OPRM1: variants seen among roughly 807,000 people sequenced by gnomAD.
OPRM1 encodes mu-type opioid receptor.
OPRM1 carries 27 observed loss-of-function variants against 31.8 expected under a neutral mutation model. That is an observed-to-expected ratio of 0.85 (90% CI 0.63 to 1.17). The LOEUF is 1.17. Among genes scored for constraint, OPRM1 ranks in the 50% most tolerant of loss-of-function variants. The pLI is 0.00. For synonymous variants in OPRM1, 196 were observed against 189.9 expected (o/e 1.03, Z -0.26); for missense variants, 536 against 511.1 (o/e 1.05, Z -0.47).
intron 3 of OPRM1, among the ~76,000 whole-genome samples, chr6:154,216,317 G>T (rs529918943): frequency 6.6e-6 from 1 of 152,074 alleles, no homozygotes; most frequent in Non-Finnish European, 1.5e-5. Context: ...GGGGTGGGGG[G>T]TGGTTGTAAT....
At chr6:154,192,038 A>G (rs1374741822) in intron 3 of OPRM1, among the ~76,000 whole-genome samples, 2 of 152,216 alleles carry the variant, frequency 1.3e-5, no homozygotes, top group African/African-American at 4.8e-5. Context: ...GTACTATAAA[A>G]CAATGAAAAT....
At position 154,214,983 on chromosome 6, in the gene OPRM1, A is replaced by C. The variant is rs569190507; in HGVS notation, c.1165-31710A>C. Among the ~76,000 whole-genome samples the C allele has an allele frequency of 2.0e-5, 3 of 152,310 alleles. No individual in the cohort carries two copies. In the South Asian group the frequency reaches 6.2e-4, roughly 32 times the overall value. ...CTTAGGAACATATCTTGAAACACAAATTTTTAAAAGCTGGGACACAAAGTG... is the reference window on the plus strand; with the variant it reads ...CTTAGGAACATATCTTGAAACACAACTTTTTAAAAGCTGGGACACAAAGTG... On this transcript the variant is annotated intron_variant, in intron 3 of 3. Coordinates refer to the OPRM1 transcript ENST00000337049.
intron 3 of OPRM1, among the ~76,000 whole-genome samples, chr6:154,149,352 A>G (rs903183385): frequency 6.6e-5 from 10 of 152,138 alleles, no homozygotes; most frequent in African/African-American, 2.2e-4. Context: ...GCATGGGGGT[A>G]ACTGTCCCCA....
intron 1 of OPRM1, chr6:154,087,145 A>G (rs1015994305): frequency 3.0e-6 from 3 of 985,334 alleles, no homozygotes; most frequent in African/African-American, 1.7e-5. Context: ...AAAGCCCCCA[A>G]GTCTGAAAAT....
intron 3 of OPRM1, chr6:154,107,411 A>G (rs1421151047): frequency 1.4e-6 from 1 of 716,246 alleles, no homozygotes; most frequent in Non-Finnish European, 2.6e-6. Context: ...CGCAGAGGAG[A>G]AGAGAATAGA....
chr6:154,229,569 G>A (rs193033763), intron 3 of OPRM1, among the ~76,000 whole-genome samples: 1 of 151,964 alleles, frequency 6.6e-6, no homozygotes, highest in East Asian at 1.9e-4. Flanking sequence ...TGTTAGCCAG[G>A]ACGGTCTCGA....
chr6:154,108,902 A>T (rs758502474), intron 3 of OPRM1: 6 of 985,128 alleles, frequency 6.1e-6, no homozygotes, highest in Non-Finnish European at 7.2e-6. Flanking sequence ...CTAGAGAAAA[A>T]TTTTAGTCCA....
intron 3 of OPRM1, among the ~76,000 whole-genome samples, chr6:154,239,790 G>A (rs183894114): frequency 9.9e-5 from 15 of 152,216 alleles, no homozygotes; most frequent in Admixed American, 8.5e-4. Flanking sequence ...TGCAACCTCC[G>A]CCTCCCATGT....
chr6:154,192,320 G>GTGTGTT (rs759935498), intron 3 of OPRM1, among the ~76,000 whole-genome samples: 1,447 of 84,556 alleles, frequency 0.017, 11 homozygotes, highest in Admixed American at 0.025. Flanking sequence ...CGTGGTTACT[G>GTGTGTT]TGTGTGTGTG....
intron 3 of OPRM1, chr6:154,094,456 T>C: frequency 2.8e-6 from 1 of 362,166 alleles, no homozygotes; most frequent in Admixed American, 3.5e-5. Context: ...CAACCATTTA[T>C]TTAGTTTACA....
intron 3 of OPRM1, among the ~76,000 whole-genome samples, chr6:154,166,352 G>A (rs530475537): frequency 6.6e-6 from 1 of 152,310 alleles, no homozygotes; most frequent in South Asian, 2.1e-4. Flanking sequence ...CTCTGTGGAA[G>A]GCCTGAGGCC....
chr6:154,191,672 TCAACAA>T (rs140096033), intron 3 of OPRM1, among the ~76,000 whole-genome samples: 19,594 of 149,510 alleles, frequency 0.13, 2,240 homozygotes, highest in East Asian at 0.61. Flanking sequence ...AGACTTTGCC[TCAACAA>T]CAACAACAAC....
At chr6:154,199,885 A>G (rs764760200) in intron 3 of OPRM1, 4 of 1,614,122 alleles carry the variant, frequency 2.5e-6, no homozygotes, top group Non-Finnish European at 3.4e-6. Flanking sequence ...CATCTTCAGC[A>G]GCAGACAAAC....
intron 3 of OPRM1, among the ~76,000 whole-genome samples, chr6:154,152,298 A>C (rs1416655739): frequency 2.4e-5 from 2 of 82,238 alleles, no homozygotes; most frequent in East Asian, 3.4e-4. Flanking sequence ...GGAAGAGAGA[A>C]GAAAGAAAGA....
chr6:154,220,506 C>T (rs1778777662), intron 3 of OPRM1, among the ~76,000 whole-genome samples: 1 of 152,124 alleles, frequency 6.6e-6, no homozygotes, highest in South Asian at 2.1e-4. Context: ...AAAAAATTAG[C>T]TGGGCATGGT....
chr6:154,221,205 A>C lies in OPRM1; in HGVS notation c.1165-25488A>C, dbSNP rs915932543. On this transcript the variant is annotated intron_variant, in intron 3 of 3. Transcript: ENST00000337049. ...TGATTAGAATTCCAGTACCAGGCTA[A>C]AGTTAAGTATATTCCCATTAAGGAT... 2.3e-6 allele frequency: 3 copies of C among 1,315,318 alleles called. No individual in the cohort carries two copies. The African/African-American group carries it at 4.4e-5, about 19-fold the overall frequency. The allele number at this position is 1,315,318 out of a possible 1,614,324, so 81.5% of individuals were successfully genotyped here. A position where few individuals can be genotyped will look rare whatever the true frequency, so the allele number is the denominator to read the frequency against.
At chr6:154,141,347 A>G (rs565179919) in intron 3 of OPRM1, among the ~76,000 whole-genome samples, 6 of 152,280 alleles carry the variant, frequency 3.9e-5, no homozygotes, top group South Asian at 2.1e-4. Flanking sequence ...TAGGTCTGTC[A>G]TGCCAAAACT....
intron 1 of OPRM1, among the ~76,000 whole-genome samples, chr6:154,082,581 A>C (rs1017696320): frequency 1.3e-5 from 2 of 152,212 alleles, no homozygotes. Context: ...GTATTAAAGA[A>C]ATACCTAGGG....
downstream of OPRM1, among the ~76,000 whole-genome samples, chr6:154,136,541 G>A (rs1798063718): frequency 2.0e-5 from 3 of 152,008 alleles, no homozygotes; most frequent in East Asian, 1.9e-4. Flanking sequence ...CCACCTGAGG[G>A]GCCCTCTCTA....
Sources: gnomAD v4.1 joint callset for allele counts (sites outside exome capture counted in the v4.1 genomes callset) on GRCh38, gnomAD v4.1.1 for gene constraint, MANE v1.5 for transcripts, NCBI Gene and HGNC (gene_info 2026-07-23, HGNC 2026-07-21) for gene names.